TTC7B: variants seen among roughly 807,000 people sequenced by gnomAD.
TTC7B encodes tetratricopeptide repeat protein 7B.
TTC7B carries 28 observed loss-of-function variants against 106.8 expected under a neutral mutation model. The ratio of observed to expected loss-of-function variants is 0.26; its 90% CI spans 0.19 to 0.36. The LOEUF is 0.36. TTC7B is among the 10% of genes least tolerant of loss of function. TTC7B has a pLI of 1.00. For missense variants in TTC7B, 862 were observed against 1,076.4 expected, an observed-to-expected ratio of 0.80 and a Z score of 2.79; for synonymous variants, 405 against 430.6, an observed-to-expected ratio of 0.94 and a Z score of 0.74.
intron 5 of TTC7B, among the ~76,000 whole-genome samples, chr14:90,712,177 A>G (rs1888475114): frequency 6.6e-6 from 1 of 152,228 alleles, no homozygotes; most frequent in Non-Finnish European, 1.5e-5. Flanking sequence ...TCAAAAACCT[A>G]CAGCTAACAT....
chr14:90,620,951 G>A (rs1256478303), intron 15 of TTC7B, among the ~76,000 whole-genome samples: 8 of 152,174 alleles, frequency 5.3e-5, no homozygotes, highest in African/African-American at 1.4e-4. Context: ...GAGCACAAAC[G>A]ATGGAAAAAA....
rs74081221 is a variant in TTC7B, at chr14:90,528,649, G to T, written c.*12719C>A. On this transcript the variant is annotated 3_prime_UTR_variant, in exon 20 of 20. Transcript: ENST00000328459. ...TGTGCTTTGTTACCTGTTTCTGATG[G>T]TTGTTTCTGATGGTGTGACCCGACT... The T allele has an allele frequency of 0.29, 43,259 of 151,670 alleles. 6,562 individuals carry two copies. Among genetic ancestry groups the T allele is most frequent in the Admixed American group, 0.33 (5,006 of 15,178 alleles). The allele number at this position is 151,670 out of a possible 1,614,324, so 9.4% of individuals were successfully genotyped here.
chr14:90,811,883 G>A (rs771634927), intron 1 of TTC7B, among the ~76,000 whole-genome samples: 13 of 152,336 alleles, frequency 8.5e-5, no homozygotes, highest in Middle Eastern at 3.4e-3. Flanking sequence ...GGGAGCAGCC[G>A]TCCGTCAGGA....
chr14:90,719,932 C>T (rs1196667127), intron 5 of TTC7B, among the ~76,000 whole-genome samples: 1 of 152,138 alleles, frequency 6.6e-6, no homozygotes, highest in East Asian at 1.9e-4. Flanking sequence ...CTTGTTCAAC[C>T]TGTGGCCCAC....
At chr14:90,794,207 A>ATT (rs1281204020) in intron 1 of TTC7B, among the ~76,000 whole-genome samples, 5 of 130,612 alleles carry the variant, frequency 3.8e-5, no homozygotes, top group African/African-American at 6.8e-5. Flanking sequence ...CTGGCTGGGT[A>ATT]TTTCTTTTTT....
In TTC7B at chr14:90,630,319, G is replaced by A. The variant is rs74081249; in HGVS notation, c.1752-12274C>T. Among the ~76,000 whole-genome samples, 614 of 152,226 alleles carry A rather than the reference G, an allele frequency of 4.0e-3. 4 individuals are homozygous for A. The highest frequency in any genetic ancestry group is 0.014 in the African/African-American group (591 of 41,534). On this transcript the variant is annotated intron_variant, in intron 15 of 19. Coordinates refer to ENST00000328459, the MANE Select transcript of TTC7B (RefSeq NM_001010854.2). ...CGTGGGGTGCTGGGAGGCTGCTTCC[G>A]TGGCTCAGCAAGTCCATCCCAGAAG... is the stretch of plus-strand genomic sequence containing the variant.
At chr14:90,745,022 C>A (rs923046378) in intron 3 of TTC7B, 100 bp from the exon 4 acceptor site, 8 of 1,196,660 alleles carry the variant, frequency 6.7e-6, no homozygotes, top group Non-Finnish European at 8.4e-6. Flanking sequence ...TGTAGAATAT[C>A]ATGTTGTTTG....
chr14:90,794,503 G>A (rs554647204), intron 1 of TTC7B, among the ~76,000 whole-genome samples: 12 of 152,042 alleles, frequency 7.9e-5, no homozygotes, highest in Admixed American at 7.9e-4. Flanking sequence ...TGGGATTATA[G>A]GCATGAGCCA....
intron 9 of TTC7B, among the ~76,000 whole-genome samples, chr14:90,667,915 T>G (rs1488993743): frequency 6.6e-6 from 1 of 152,194 alleles, no homozygotes; most frequent in Non-Finnish European, 1.5e-5. Context: ...GATCACCAGC[T>G]GGATAAAACA....
intron 18 of TTC7B, among the ~76,000 whole-genome samples, chr14:90,592,823 C>G (rs1392771634): frequency 1.3e-5 from 2 of 152,190 alleles, no homozygotes; most frequent in Non-Finnish European, 2.9e-5. Flanking sequence ...TCATGCCCCC[C>G]TTCCGGGCCA....
intron 19 of TTC7B, among the ~76,000 whole-genome samples, chr14:90,542,566 G>C (rs77152225): frequency 0.024 from 3,715 of 152,268 alleles, 154 homozygotes; most frequent in African/African-American, 0.085. Context: ...TCTCTTTGCT[G>C]TTCCAAATCG....
At position 90,561,762 on chromosome 14, in the gene TTC7B, C is replaced by T. The variant is rs574540423; in HGVS notation, c.2310+16344G>A. Among the ~76,000 whole-genome samples, 7 of 152,318 alleles carry T rather than the reference C, an allele frequency of 4.6e-5. No homozygotes were observed. The East Asian group carries it at 1.3e-3, about 29-fold the overall frequency. On this transcript the variant is annotated intron_variant, in intron 19 of 19. Coordinates refer to ENST00000328459, the MANE Select transcript of TTC7B (RefSeq NM_001010854.2). ...TTCCTGTGCACGGTGGCTTGGTGGA[C>T]ATCATATAAACCATGGCAGGGAAGA...
intron 17 of TTC7B, among the ~76,000 whole-genome samples, chr14:90,603,762 C>T (rs561131821): frequency 2.1e-4 from 32 of 152,198 alleles, no homozygotes; most frequent in African/African-American, 6.5e-4. Context: ...CTTATCCTAA[C>T]GGAAAAGTTG....
Position 90,757,599 on chromosome 14 carries a change from A to T in TTC7B, c.446-12677T>A, listed in dbSNP as rs551762932. On this transcript the variant is annotated intron_variant, in intron 3 of 19. Transcript: ENST00000328459. The surrounding 1 kb of genome is among the most constrained non-coding windows in gnomAD (Gnocchi z 4.1). ...CAAATCCTGATCCAATGAGCTTACT[A>T]CCACAGCAGGTCCACAGCAGTTGCC... Among the ~76,000 whole-genome samples, 1 of 152,320 alleles carries T rather than the reference A, an allele frequency of 6.6e-6. No homozygotes were observed. Among genetic ancestry groups the T allele is most frequent in the East Asian group, 1.9e-4 (1 of 5,186 alleles).
intron 17 of TTC7B, among the ~76,000 whole-genome samples, chr14:90,602,955 G>C (rs1566792894): frequency 6.6e-6 from 1 of 152,132 alleles, no homozygotes; most frequent in Non-Finnish European, 1.5e-5. Context: ...TCAGTGCCAG[G>C]AGTGCTTCTC....
At chr14:90,746,304 A>G (rs1889965795) in intron 3 of TTC7B, among the ~76,000 whole-genome samples, 1 of 152,070 alleles carries the variant, frequency 6.6e-6, no homozygotes, top group African/African-American at 2.4e-5. Flanking sequence ...AGTAAGCTTT[A>G]GTAGTTTATA....
intron 15 of TTC7B, 30 bp from the exon 16 acceptor site, chr14:90,618,075 C>A (rs1171565169): frequency 1.3e-6 from 2 of 1,540,376 alleles, no homozygotes; most frequent in African/African-American, 2.7e-5. Context: ...GGAGAAAACA[C>A]CACGGCTCAA....
chr14:90,545,783 T>G (rs553020072), intron 19 of TTC7B, among the ~76,000 whole-genome samples: 2 of 152,342 alleles, frequency 1.3e-5, no homozygotes, highest in African/African-American at 4.8e-5. Context: ...TCAAAAGTCC[T>G]GCAGAGAACC....
chr14:90,589,467 C>T (rs937372707), intron 18 of TTC7B, among the ~76,000 whole-genome samples: 1 of 152,156 alleles, frequency 6.6e-6, no homozygotes. Flanking sequence ...AATGTAAATG[C>T]TATTTAAATA....
Sources: gnomAD v4.1 joint callset for allele counts (sites outside exome capture counted in the v4.1 genomes callset) on GRCh38, gnomAD v4.1.1 for gene constraint, Gnocchi (gnomAD v3.1) non-coding constraint, MANE v1.5 for transcripts, NCBI Gene and HGNC (gene_info 2026-07-23, HGNC 2026-07-21) for gene names.